SLC25A48: variants seen among roughly 807,000 people sequenced by gnomAD.
SLC25A48 encodes the protein solute carrier family 25 member 48.
Under a neutral mutation model 32.2 loss-of-function variants are expected in SLC25A48, and 29 were observed. The observed-to-expected ratio is 0.90, with a 90% CI of 0.67 to 1.23. The LOEUF (loss-of-function observed/expected upper bound fraction) is 1.23, where lower values mean the gene tolerates loss of function less well. Ranked by LOEUF, SLC25A48 falls within the 50% of genes most tolerant of loss-of-function variation. SLC25A48 has a pLI of 0.00. For missense variants in SLC25A48, 399 were observed against 422.7 expected (o/e 0.94, Z 0.49); for synonymous variants, 164 against 172.3 (o/e 0.95, Z 0.38).
chr5:135,597,172 A>C (rs1336034413), intron 1 of SLC25A48, among the ~76,000 whole-genome samples: 1 of 152,264 alleles, frequency 6.6e-6, no homozygotes, highest in African/African-American at 2.4e-5. Flanking sequence ...TAATATTTAC[A>C]GCTCATAGAG....
intron 4 of SLC25A48, among the ~76,000 whole-genome samples, chr5:135,871,109 AC>A (rs1761609632): frequency 3.2e-5 from 4 of 124,618 alleles, no homozygotes; most frequent in Non-Finnish European, 6.7e-5. Flanking sequence ...ACACACACAC[AC>A]AGCATGTTGG....
At chr5:135,775,832 G>A (rs899836112) in intron 3 of SLC25A48, among the ~76,000 whole-genome samples, 8 of 151,656 alleles carry the variant, frequency 5.3e-5, no homozygotes, top group African/African-American at 1.2e-4. Context: ...GCCCAATATC[G>A]TGGGGGTTGT....
intron 3 of SLC25A48, among the ~76,000 whole-genome samples, chr5:135,642,184 A>G (rs900060164): frequency 6.6e-6 from 1 of 152,224 alleles, no homozygotes; most frequent in South Asian, 2.1e-4. Context: ...GGTGGCTGTC[A>G]TAGTGGTGTT....
intron 1 of SLC25A48, among the ~76,000 whole-genome samples, chr5:135,588,069 G>A (rs1490185294): frequency 6.6e-6 from 1 of 152,358 alleles, no homozygotes; most frequent in African/African-American, 2.4e-5. Context: ...AAAGCAGGGC[G>A]GGTTTGCTCC....
intron 1 of SLC25A48, among the ~76,000 whole-genome samples, chr5:135,587,354 C>T (rs1395307519): frequency 6.6e-6 from 1 of 152,176 alleles, no homozygotes; most frequent in Non-Finnish European, 1.5e-5. Context: ...TTTTTGTCTT[C>T]TTATTCCTGA....
Position 135,888,046 on chromosome 5 carries a change from A to T in SLC25A48, c.*22A>T. 1 of 1,551,546 alleles carries T rather than the reference A, an allele frequency of 6.4e-7. No homozygotes were observed. Among genetic ancestry groups the T allele is most frequent in the Non-Finnish European group, 8.7e-7 (1 of 1,146,772 alleles). On this transcript the variant is annotated 3_prime_UTR_variant, in exon 8 of 8. Transcript: ENST00000681962. Reference sequence around the variant, plus strand: ...GCTGTTTCCAGGAGGTGAACACAGGATGACTACAGTGTTCCCTGGGCCTCA... The same window carrying T: ...GCTGTTTCCAGGAGGTGAACACAGGTTGACTACAGTGTTCCCTGGGCCTCA...
intron 1 of SLC25A48, among the ~76,000 whole-genome samples, chr5:135,601,632 C>G (rs964437292): frequency 6.6e-6 from 1 of 152,244 alleles, no homozygotes; most frequent in Non-Finnish European, 1.5e-5. Context: ...ACAGCTTTCT[C>G]TGGTGGGTCC....
chr5:135,715,983 G>T (rs1383784658), intron 3 of SLC25A48, among the ~76,000 whole-genome samples: 1 of 152,164 alleles, frequency 6.6e-6, no homozygotes, highest in Admixed American at 6.5e-5. Context: ...GTTCCTGTGA[G>T]ATTTGATTGT....
At chr5:135,800,025 G>A (rs1757282812) in intron 3 of SLC25A48, among the ~76,000 whole-genome samples, 1 of 151,656 alleles carries the variant, frequency 6.6e-6, no homozygotes, top group African/African-American at 2.4e-5. Flanking sequence ...TGATATCCAG[G>A]GGGGACAGGA....
intron 3 of SLC25A48, among the ~76,000 whole-genome samples, chr5:135,642,360 G>T (rs1373702440): frequency 1.3e-5 from 2 of 152,216 alleles, no homozygotes; most frequent in Non-Finnish European, 2.9e-5. Flanking sequence ...CTCTGGGAAG[G>T]AGCCCTTTGG....
chr5:135,621,174 C>T (rs1561761353), intron 1 of SLC25A48, among the ~76,000 whole-genome samples: 1 of 152,192 alleles, frequency 6.6e-6, no homozygotes, highest in Non-Finnish European at 1.5e-5. Context: ...GCCAGCTTTA[C>T]TACTTACTGG....
At chr5:135,742,508 CT>C in intron 3 of SLC25A48, 2 of 1,572,490 alleles carry the variant, frequency 1.3e-6, no homozygotes, top group Non-Finnish European at 1.7e-6. Flanking sequence ...ACTGAATGTG[CT>C]TTTCCCAACA....
At chr5:135,697,094 G>T (rs1392576233) in intron 3 of SLC25A48, among the ~76,000 whole-genome samples, 1 of 152,104 alleles carries the variant, frequency 6.6e-6, no homozygotes, top group East Asian at 1.9e-4. Flanking sequence ...TTGAAAAAAA[G>T]GATAATTATG....
intron 3 of SLC25A48, among the ~76,000 whole-genome samples, chr5:135,688,677 T>C (rs962259345): frequency 2.6e-5 from 4 of 152,196 alleles, no homozygotes; most frequent in Non-Finnish European, 4.4e-5. Flanking sequence ...TCCCATGCAA[T>C]GGGATTCAGT....
chr5:135,886,588 AATATATATATATATATATATATAT>A (rs147005349), intron 7 of SLC25A48, among the ~76,000 whole-genome samples: 28 of 35,444 alleles, frequency 7.9e-4, no homozygotes, highest in African/African-American at 3.0e-3. Flanking sequence ...TATTTAACCA[AATATATATATATATATATATATAT>A]ATATATATAT....
At chr5:135,579,306 A>T (rs1270764474) in exon 1 of SLC25A48, 2 of 159,402 alleles carry the variant, frequency 1.3e-5, no homozygotes, top group Non-Finnish European at 2.7e-5. Flanking sequence ...GCCTTTGGGG[A>T]GCCCAGACGG....
intron 3 of SLC25A48, among the ~76,000 whole-genome samples, chr5:135,737,135 G>A (rs1357216568): frequency 6.6e-6 from 1 of 152,170 alleles, no homozygotes; most frequent in Non-Finnish European, 1.5e-5. Context: ...CTTTGTGTGA[G>A]CAACAAGGCT....
chr5:135,610,580 A>G (rs1752041917), intron 1 of SLC25A48, among the ~76,000 whole-genome samples: 1 of 152,234 alleles, frequency 6.6e-6, no homozygotes, highest in Admixed American at 6.5e-5. Flanking sequence ...GTAAGTTTAT[A>G]GAAAGCCAAT....
chr5:135,876,559 T>C (rs1465363590), intron 6 of SLC25A48, among the ~76,000 whole-genome samples: 2 of 152,142 alleles, frequency 1.3e-5, no homozygotes, highest in Non-Finnish European at 2.9e-5. Context: ...TGTATGAACA[T>C]AGGAAGCTTC....
Sources: gnomAD v4.1 joint callset for allele counts (sites outside exome capture counted in the v4.1 genomes callset) on GRCh38, gnomAD v4.1.1 for gene constraint, MANE v1.5 for transcripts, NCBI Gene and HGNC (gene_info 2026-07-23, HGNC 2026-07-21) for gene names.